FCRL6: variants seen among roughly 807,000 people sequenced by gnomAD.
The protein encoded by FCRL6 is Fc receptor like 6.
FCRL6 carries 50 observed loss-of-function variants against 49.1 expected under a neutral mutation model. The ratio of observed to expected loss-of-function variants is 1.02; its 90% CI spans 0.81 to 1.29. The LOEUF is 1.29. Among genes scored for constraint, FCRL6 ranks in the 50% most tolerant of loss-of-function variants. The probability of loss-of-function intolerance (pLI) is 0.00; values close to 1 mark genes in which losing one functional copy is unlikely to be tolerated. For missense variants in FCRL6, 571 were observed against 518.5 expected (o/e 1.10, Z -0.98); for synonymous variants, 213 against 199.6 (o/e 1.07, Z -0.57).
At chr1:159,813,614 G>C in intron 7 of FCRL6, 60 bp downstream of exon 7, 7 of 1,448,740 alleles carry the variant, frequency 4.8e-6, no homozygotes, top group Non-Finnish European at 6.8e-6. Flanking sequence ...CTTCTTAAGG[G>C]AAGTAAGAAG....
chr1:159,805,165 G>A (rs990744552), intron 1 of FCRL6, among the ~76,000 whole-genome samples: 10 of 152,086 alleles, frequency 6.6e-5, no homozygotes, highest in Admixed American at 6.5e-4. Context: ...GAGATGGAGG[G>A]ATGATAAAGA....
At position 159,814,237 on chromosome 1, in the gene FCRL6, G is replaced by A. The variant is rs117727409; in HGVS notation, c.1092G>A (p.Gly364=). The A allele has an allele frequency of 3.2e-4, 517 of 1,614,120 alleles. 3 individuals carry two copies. In the East Asian group the frequency reaches 0.011, roughly 35 times the overall value. The change falls in exon 8 of 10, where the codon GGG becomes GGA. Residue 364 remains glycine, a synonymous_variant. Coordinates refer to ENST00000368106, the MANE Select transcript of FCRL6 (RefSeq NM_001004310.3). Reference sequence around the variant, plus strand: ...TTCTTCCAGTGCATCACCAGAAAGGGAAAGATGAAGGTGTTGTCTACTCTG... The same window carrying A: ...TTCTTCCAGTGCATCACCAGAAAGGAAAAGATGAAGGTGTTGTCTACTCTG... ...PLYANVHHQK[G]KDEGVVYSVV...
chr1:159,805,254 A>G (rs540892186), intron 1 of FCRL6, among the ~76,000 whole-genome samples: 1 of 152,336 alleles, frequency 6.6e-6, no homozygotes, highest in South Asian at 2.1e-4. Context: ...GAGCTGAAAG[A>G]TTCCACCTGT....
At chr1:159,808,650 G>A (rs184127747) in intron 3 of FCRL6, 43 of 646,068 alleles carry the variant, frequency 6.7e-5, no homozygotes, top group Non-Finnish European at 1.0e-4. Flanking sequence ...GGGGAAGGAG[G>A]GGGGAGATTC....
At chr1:159,815,363 G>T (rs367949880) in intron 8 of FCRL6, 65 bp from the exon 9 acceptor site, 47 of 1,557,952 alleles carry the variant, frequency 3.0e-5, no homozygotes, top group Non-Finnish European at 4.0e-5. Flanking sequence ...GCCAGGAGGG[G>T]TGGGAAGGAG....
chr1:159,814,328 A>G, intron 8 of FCRL6, 36 bp downstream of exon 8: 1 of 1,578,384 alleles, frequency 6.3e-7, no homozygotes, highest in Non-Finnish European at 8.7e-7. Context: ...TACCTTTGCA[A>G]ACAGAAGTTT....
chr1:159,809,902 C>T (rs527543481), intron 5 of FCRL6, among the ~76,000 whole-genome samples, 192 bp from the exon 6 acceptor site: 5 of 152,284 alleles, frequency 3.3e-5, no homozygotes, highest in South Asian at 2.1e-4. Context: ...GGAGCAGTCA[C>T]GTGGTCACTC....
At position 159,808,349 on chromosome 1, in the gene FCRL6, T is replaced by C; in HGVS notation, c.224T>C (p.Val75Ala). ...NQTLSMGAATVQSRGQYSCSG... is the reference protein window; with the variant it reads ...NQTLSMGAATAQSRGQYSCSG... Reference sequence around the variant, plus strand: ...ACTCTGTCCATGGGAGCAGCAACAGTGCAGAGCCGTGGCCAGTACAGCTGC... The same window carrying C: ...ACTCTGTCCATGGGAGCAGCAACAGCGCAGAGCCGTGGCCAGTACAGCTGC... The change falls in exon 3 of 10, where the codon GTG becomes GCG. Residue 75 changes from valine to alanine, a missense_variant. Transcript: ENST00000368106. 6.2e-7 allele frequency: 1 copy of C among 1,614,222 alleles called. No homozygotes were observed. Among genetic ancestry groups the C allele is most frequent in the African/African-American group, 1.3e-5 (1 of 75,056 alleles).
Position 159,815,816 on chromosome 1 carries a change from C to A in FCRL6, c.*155C>A, listed in dbSNP as rs531383440. The A allele has an allele frequency of 1.2e-6, 1 of 863,338 alleles. No individual in the cohort carries two copies. Among genetic ancestry groups the A allele is most frequent in the Non-Finnish European group, 1.7e-6 (1 of 574,058 alleles). The allele number at this position is 863,338 out of a possible 1,614,324, so 53.5% of individuals were successfully genotyped here. On this transcript the variant is annotated 3_prime_UTR_variant, in exon 10 of 10. Transcript: ENST00000368106. ...CTTGTCCTGGTCAGGAGCACCTGAA[C>A]CCTGGGTTCTTTTCTTAGCAGAAGA...
At chr1:159,811,692 G>T (rs944370495) in intron 6 of FCRL6, among the ~76,000 whole-genome samples, 2 of 152,204 alleles carry the variant, frequency 1.3e-5, no homozygotes, top group African/African-American at 4.8e-5. Flanking sequence ...CACTAGTCTT[G>T]AGTCTGGATT....
chr1:159,806,133 T>C (rs1662660248), intron 1 of FCRL6, among the ~76,000 whole-genome samples: 1 of 152,236 alleles, frequency 6.6e-6, no homozygotes, highest in East Asian at 1.9e-4. Context: ...AGAGAGGTGA[T>C]AACATGTAGG....
intron 3 of FCRL6, 22 bp downstream of exon 3, chr1:159,808,466 T>G: frequency 6.2e-7 from 1 of 1,614,028 alleles, no homozygotes; most frequent in Non-Finnish European, 8.5e-7. Flanking sequence ...GCTTGGGAGT[T>G]TGTGGGGCAG....
chr1:159,805,121 A>T lies in FCRL6; in HGVS notation c.32-1475A>T, dbSNP rs1007551610. ...TGATTCCAAATCCTGCATGCTTTCC[A>T]CTACACCGAGCTCATAGATGGGGGT... On this transcript the variant is annotated intron_variant, in intron 1 of 9. Transcript: ENST00000368106. Among the ~76,000 whole-genome samples, 8 of 152,120 alleles carry T rather than the reference A, an allele frequency of 5.3e-5. No homozygotes were observed. In the East Asian group the frequency reaches 1.3e-3, roughly 26 times the overall value.
At chr1:159,808,502 C>T in intron 3 of FCRL6, 58 bp downstream of exon 3, 1 of 1,601,508 alleles carries the variant, frequency 6.2e-7, no homozygotes, top group Non-Finnish European at 8.6e-7. Context: ...GGTCCCGTTT[C>T]TAGAGGTCAG....
In FCRL6 at chr1:159,812,824, T is replaced by C. The variant is rs370482360; in HGVS notation, c.1010-665T>C. ...AAGTGTTCTAAAATCTACATGTGAC[T>C]CAATTCCTATCCCAAGAGTTACCTT... On this transcript the variant is annotated intron_variant, in intron 6 of 9. Transcript: ENST00000368106. Among the ~76,000 whole-genome samples, 13 of 152,336 alleles carry C rather than the reference T, an allele frequency of 8.5e-5. No individual in the cohort carries two copies. In the East Asian group the frequency reaches 2.5e-3, roughly 29 times the overall value.
chr1:159,808,834 G>A, intron 3 of FCRL6, 127 bp from the exon 4 acceptor site: 2 of 917,704 alleles, frequency 2.2e-6, no homozygotes, highest in African/African-American at 1.7e-5. Context: ...CGGGTCCTAG[G>A]GATGAAACTG....
chr1:159,814,701 G>T (rs1352399825), intron 8 of FCRL6, among the ~76,000 whole-genome samples: 1 of 152,228 alleles, frequency 6.6e-6, no homozygotes, highest in African/African-American at 2.4e-5. Flanking sequence ...CAGAGTCTAA[G>T]TCTAAACAGG....
In FCRL6 at chr1:159,814,385, T is replaced by A. The variant is rs114744511; in HGVS notation, c.1147+93T>A. On this transcript the variant is annotated intron_variant, in intron 8 of 9. Coordinates refer to ENST00000368106, the MANE Select transcript of FCRL6 (RefSeq NM_001004310.3). ...ACTACCACTGTCATTACCACTTTTA[T>A]CATTACTGTGACCACCATCACTATC... The A allele has an allele frequency of 2.8e-3, 2,483 of 876,992 alleles. 8 individuals carry two copies. Among genetic ancestry groups the A allele is most frequent in the South Asian group, 5.3e-3 (367 of 69,884 alleles). 54.3% of individuals were successfully genotyped at this position (876,992 alleles called of 1,614,324 possible). A position where few individuals can be genotyped will look rare whatever the true frequency, so the allele number is the denominator to read the frequency against.
At chr1:159,805,060 GA>G (rs1662588383) in intron 1 of FCRL6, among the ~76,000 whole-genome samples, 1 of 152,200 alleles carries the variant, frequency 6.6e-6, no homozygotes, top group Non-Finnish European at 1.5e-5. Context: ...AGGTCGTACA[GA>G]AAGAGGCAAA....
Sources: allele counts gnomAD v4.1 joint callset (sites outside exome capture counted in the v4.1 genomes callset), GRCh38; gene constraint gnomAD v4.1.1; transcripts MANE v1.5; gene names NCBI Gene and HGNC (gene_info 2026-07-23, HGNC 2026-07-21).